Variants in BLK observed in about 807,000 individuals in gnomAD.
BLK encodes the protein BLK proto-oncogene, Src family tyrosine kinase, also known as tyrosine-protein kinase Blk.
BLK carries 64 observed loss-of-function variants against 61.8 expected under a neutral mutation model. The ratio of observed to expected loss-of-function variants is 1.03; its 90% confidence interval spans 0.85 to 1.27. The LOEUF is 1.27. Among genes scored for constraint, BLK ranks in the 50% most tolerant of loss-of-function variants. The pLI is 0.00. For synonymous variants in BLK, 351 were observed against 272.0 expected, an observed-to-expected ratio of 1.29 and a Z score of -2.86; for missense variants, 853 against 660.5, an observed-to-expected ratio of 1.29 and a Z score of -3.19.
chr8:11,550,795 G>A (rs1375586535), intron 6 of BLK, among the ~76,000 whole-genome samples: 1 of 152,220 alleles, frequency 6.6e-6, no homozygotes, highest in African/African-American at 2.4e-5. Flanking sequence ...ATCACCCTCA[G>A]GGGTTTTCTC....
rs1224238023 is a variant in BLK, at chr8:11,555,475, G to C, written c.763G>C (p.Val255Leu). 2 of 1,614,184 alleles carry C rather than the reference G, an allele frequency of 1.2e-6. No homozygotes were observed. Among genetic ancestry groups the C allele is most frequent in the Non-Finnish European group, 1.7e-6 (2 of 1,180,024 alleles). Residue 255 changes from valine to leucine, a missense_variant, in exon 8 of 13, where the codon GTC becomes CTC. Val to Leu is a conservative substitution (Grantham distance 32). Transcript: ENST00000259089. ...ACTCGGGTCTGGACAATTCGGCGAA[G>C]TCTGGATGGGTGAGTGTGTGCACAC... ...RKLGSGQFGE[V>L]WMGYYKNNMK... is the part of the protein sequence containing the mutation.
rs185940166 is a variant in BLK at position 11,552,146 on chromosome 8, A to C, written c.472+1884A>C. ...GACAGAGTTGTCACCTGGTGGGAGC[A>C]CCCTTGGGCTGTCCATTGGTTCCAT... is the stretch of plus-strand genomic sequence containing the variant. On this transcript the variant is annotated intron_variant, in intron 6 of 12. Transcript: ENST00000259089. 2.9e-3 allele frequency among the ~76,000 whole-genome samples: 438 copies of C among 152,212 alleles called. 8 individuals are homozygous for C. Among genetic ancestry groups the C allele is most frequent in the Non-Finnish European group, 1.1e-3 (77 of 68,012 alleles).
chr8:11,526,565 A>C (rs1799659320), intron 1 of BLK, among the ~76,000 whole-genome samples: 1 of 152,136 alleles, frequency 6.6e-6, no homozygotes. Context: ...ATACAAATAC[A>C]AAAATTAGCT....
chr8:11,543,879 G>T (rs1563109706), intron 2 of BLK, among the ~76,000 whole-genome samples: 1 of 152,186 alleles, frequency 6.6e-6, no homozygotes. Context: ...TCTTATTGCT[G>T]GGGAATGCAT....
At chr8:11,533,131 G>A (rs778903612) in intron 1 of BLK, among the ~76,000 whole-genome samples, 12 of 152,232 alleles carry the variant, frequency 7.9e-5, no homozygotes, top group Non-Finnish European at 1.2e-4. Flanking sequence ...TCCTGCAACC[G>A]TTTTATGAGT....
chr8:11,528,326 G>C (rs944343798), intron 1 of BLK, among the ~76,000 whole-genome samples: 1 of 152,142 alleles, frequency 6.6e-6, no homozygotes, highest in African/African-American at 2.4e-5. Flanking sequence ...ATGAGCCACT[G>C]CACTTGATGA....
At chr8:11,505,986 C>T (rs1246168612) in intron 1 of BLK, among the ~76,000 whole-genome samples, 1 of 152,238 alleles carries the variant, frequency 6.6e-6, no homozygotes, top group Non-Finnish European at 1.5e-5. Context: ...TTCCTCTCGC[C>T]CTGCTCCTGT....
chr8:11,499,321 T>C (rs1288069048), intron 1 of BLK, among the ~76,000 whole-genome samples: 2 of 152,234 alleles, frequency 1.3e-5, no homozygotes, highest in Non-Finnish European at 2.9e-5. Context: ...TTGTATACGA[T>C]GTTCGCAGAA....
At chr8:11,560,317 AGATGGATGGATGGATGGATACATG>A (rs1801447423) in intron 10 of BLK, 1 of 208,252 alleles carries the variant, frequency 4.8e-6, no homozygotes, top group Non-Finnish European at 9.3e-6. Context: ...AAGGATGCAT[AGATGGATGGATGGATGGATACATG>A]GATGGATGCA....
intron 1 of BLK, chr8:11,509,736 T>C (rs1798925232): frequency 6.6e-6 from 1 of 152,214 alleles, no homozygotes; most frequent in African/African-American, 2.4e-5. Flanking sequence ...CATTTTCTCC[T>C]GACTTTTAAA....
chr8:11,539,521 A>T (rs1800279662), intron 1 of BLK, among the ~76,000 whole-genome samples: 1 of 152,230 alleles, frequency 6.6e-6, no homozygotes. Flanking sequence ...TGTCTATATA[A>T]TGATGTTTTA....
At chr8:11,540,224 G>T (rs1800316125) in intron 1 of BLK, among the ~76,000 whole-genome samples, 1 of 151,756 alleles carries the variant, frequency 6.6e-6, no homozygotes, top group South Asian at 2.1e-4. Context: ...TGAGGTAGGG[G>T]TTCAATTGTA....
intron 10 of BLK, chr8:11,558,324 G>A (rs1362294799): frequency 1.3e-5 from 6 of 451,244 alleles, no homozygotes; most frequent in African/African-American, 1.2e-4. Context: ...CGAAGGAAGA[G>A]AGGGCGAATG....
chr8:11,557,906 C>T (rs1205147557), intron 9 of BLK, 56 bp from the exon 10 acceptor site: 4 of 1,536,912 alleles, frequency 2.6e-6, no homozygotes, highest in Non-Finnish European at 3.6e-6. Flanking sequence ...GAGAGGCTGG[C>T]ACCACCAGGG....
intron 11 of BLK, among the ~76,000 whole-genome samples, chr8:11,561,775 TTA>T (rs979860573): frequency 6.6e-6 from 1 of 152,120 alleles, no homozygotes; most frequent in African/African-American, 2.4e-5. Context: ...AAGAAACAGT[TTA>T]TGTTTGCCTC....
At chr8:11,496,591 A>T (rs1037558410) in intron 1 of BLK, among the ~76,000 whole-genome samples, 9 of 152,124 alleles carry the variant, frequency 5.9e-5, no homozygotes, top group East Asian at 1.9e-4. Context: ...TGCAGGACGG[A>T]ATACACTCTC....
intron 1 of BLK, among the ~76,000 whole-genome samples, chr8:11,539,559 T>G (rs1044449831): frequency 2.0e-5 from 3 of 152,236 alleles, no homozygotes; most frequent in Non-Finnish European, 4.4e-5. Flanking sequence ...AGAGTGGGAC[T>G]GAAAATCAAA....
Position 11,504,407 on chromosome 8 carries a change from AAAAG to A in BLK, c.-2+9820_-2+9823del, listed in dbSNP as rs1337898784. On this transcript the variant is annotated intron_variant, in intron 1 of 12. Coordinates refer to ENST00000259089, the MANE Select transcript of BLK (RefSeq NM_001715.3). ...AAAAGAAAAGAAAAGAAAAGAAAAG[AAAAG>A]AAAAAAAAAAGAAAAGATCCCATTC... Among the ~76,000 whole-genome samples the A allele has an allele frequency of 2.0e-4, 28 of 143,518 alleles. No homozygotes were observed. The East Asian group carries it at 4.7e-3, about 24-fold the overall frequency. 94.2% of individuals were successfully genotyped at this position (143,518 alleles called of 152,430 possible). A position where few individuals can be genotyped will look rare whatever the true frequency, so the allele number is the denominator to read the frequency against.
intron 5 of BLK, 38 bp downstream of exon 5, chr8:11,549,160 A>G (rs1412830897): frequency 2.6e-6 from 4 of 1,542,234 alleles, no homozygotes; most frequent in Non-Finnish European, 3.5e-6. Context: ...GCCAAGATGC[A>G]GTCACTGTTT....
Sources: gnomAD v4.1 joint callset for allele counts (sites outside exome capture counted in the v4.1 genomes callset) on GRCh38, gnomAD v4.1.1 for gene constraint, MANE v1.5 for transcripts, NCBI Gene and HGNC (gene_info 2026-07-23, HGNC 2026-07-21) for gene names.